Variants in PFKFB3 observed in about 807,000 individuals in gnomAD.
PFKFB3 encodes 6-phosphofructo-2-kinase/fructose-2,6-biphosphatase 3.
A neutral mutation model predicts 68.0 loss-of-function variants in PFKFB3; 33 were observed. The ratio of observed to expected loss-of-function variants is 0.49; its 90% confidence interval spans 0.37 to 0.65. The LOEUF is 0.65. Among genes scored for constraint, PFKFB3 ranks in the 30% least tolerant of loss-of-function variants. The probability of loss-of-function intolerance (pLI) is 0.00; values close to 1 mark genes in which losing one functional copy is unlikely to be tolerated. For synonymous variants in PFKFB3, 315 were observed against 288.2 expected, an observed-to-expected ratio of 1.09 and a Z score of -0.94; for missense variants, 586 against 712.2, an observed-to-expected ratio of 0.82 and a Z score of 2.02.
the PFKFB3 span, among the ~76,000 whole-genome samples, chr10:6,288,459 T>C: frequency 6.6e-6 from 1 of 150,418 alleles, no homozygotes; most frequent in African/African-American, 2.4e-5. Flanking sequence ...CGGTGTTTGG[T>C]TTTTTGTCCT....
chr10:6,221,276 G>A (rs1844938843), intron 8 of PFKFB3, 105 bp from the exon 9 acceptor site: 3 of 1,397,260 alleles, frequency 2.1e-6, no homozygotes, highest in Non-Finnish European at 2.9e-6. Context: ...CCCCCACGGT[G>A]TAACCAGGTA....
intron 14 of PFKFB3, chr10:6,231,242 C>T (rs1348466182): frequency 9.5e-6 from 14 of 1,474,018 alleles, no homozygotes; most frequent in Non-Finnish European, 1.3e-5. Context: ...GTTTCTTCCT[C>T]TCCCCCACTC....
chr10:6,168,931 G>A (rs1038650930), intron 1 of PFKFB3, among the ~76,000 whole-genome samples: 3 of 152,086 alleles, frequency 2.0e-5, no homozygotes, highest in Non-Finnish European at 4.4e-5. Context: ...TCTGCCCCCC[G>A]AAAAGTTATC....
chr10:6,319,170 A>G, the PFKFB3 span, among the ~76,000 whole-genome samples: 4 of 152,218 alleles, frequency 2.6e-5, no homozygotes, highest in Admixed American at 2.0e-4. Context: ...GTATCCACCC[A>G]AAAGAAAAGG....
intron 1 of PFKFB3, among the ~76,000 whole-genome samples, chr10:6,161,015 A>C (rs1841952182): frequency 6.6e-6 from 1 of 150,852 alleles, no homozygotes; most frequent in South Asian, 2.1e-4. Flanking sequence ...GGCTCACTGC[A>C]ACCTCCGCTT....
At chr10:6,282,548 C>T in the PFKFB3 span, among the ~76,000 whole-genome samples, 1 of 152,100 alleles carries the variant, frequency 6.6e-6, no homozygotes, top group African/African-American at 2.4e-5. Flanking sequence ...TTAGCCCTAC[C>T]ATCCAATGGG....
chr10:6,165,883 C>G (rs1485695829), intron 1 of PFKFB3, among the ~76,000 whole-genome samples: 1 of 151,772 alleles, frequency 6.6e-6, no homozygotes, highest in African/African-American at 2.4e-5. Context: ...GGTGCTATCT[C>G]CGCTCACTGC....
intron 1 of PFKFB3, among the ~76,000 whole-genome samples, chr10:6,156,147 G>GTA (rs1254351820): frequency 6.6e-6 from 1 of 151,734 alleles, no homozygotes; most frequent in Non-Finnish European, 1.5e-5. Context: ...GTGTGTGTGT[G>GTA]TGTGTGTGTG....
At chr10:6,147,132 G>A (rs1411617595) in intron 1 of PFKFB3, among the ~76,000 whole-genome samples, 2 of 152,208 alleles carry the variant, frequency 1.3e-5, no homozygotes, top group Non-Finnish European at 2.9e-5. Flanking sequence ...GTGCTGAGCC[G>A]TGGTCTGAAG....
Position 6,231,422 on chromosome 10 carries a change from G to C in PFKFB3, c.1516-1473G>C. On this transcript the variant is annotated intron_variant, in intron 14 of 14. Transcript: ENST00000379775. Reference sequence around the variant, plus strand: ...CGGGGCTCATCTGTCTCCATGCCGAGGTTGTTAAGTGCAACACCATTGTCG... The same window carrying C: ...CGGGGCTCATCTGTCTCCATGCCGACGTTGTTAAGTGCAACACCATTGTCG... 3.2e-6 allele frequency: 5 copies of C among 1,562,944 alleles called. No homozygotes were observed. The South Asian group carries it at 5.8e-5, about 18-fold the overall frequency.
Position 6,220,308 on chromosome 10 carries a change from G to A in PFKFB3, c.624-350G>A, listed in dbSNP as rs984577749. On this transcript the variant is annotated intron_variant, in intron 7 of 14. Transcript: ENST00000379775. The surrounding 1 kb of genome is among the most constrained non-coding windows in gnomAD (Gnocchi z 4.1). ...AGTAGAGATGAGGTCTTGCTATGTT[G>A]CCCAGGCTGGTCTTGAACTTCTAGA... 1.3e-5 allele frequency among the ~76,000 whole-genome samples: 2 copies of A among 151,894 alleles called. No individual in the cohort carries two copies. Among genetic ancestry groups the A allele is most frequent in the Non-Finnish European group, 2.9e-5 (2 of 67,984 alleles).
At chr10:6,259,662 A>G in the PFKFB3 span, among the ~76,000 whole-genome samples, 4 of 150,320 alleles carry the variant, frequency 2.7e-5, no homozygotes, top group South Asian at 8.3e-4. Flanking sequence ...TTCCATCCAT[A>G]TTTCTAGTAA....
chr10:6,277,336 C>T, the PFKFB3 span, among the ~76,000 whole-genome samples: 2 of 151,804 alleles, frequency 1.3e-5, no homozygotes, highest in African/African-American at 4.8e-5. Context: ...TGGGTTCCAG[C>T]GATTCTCCTG....
chr10:6,181,151 A>G lies in PFKFB3; in HGVS notation c.17-32472A>G, dbSNP rs78119306. On this transcript the variant is annotated intron_variant, in intron 1 of 14. Coordinates refer to the PFKFB3 transcript ENST00000379789. ...CACCTCAGCCTCCCAAGCAGCCAGT[A>G]CTGTAGGTGTGTGCCATCACACCTG... Among the ~76,000 whole-genome samples the G allele has an allele frequency of 1.0e-3, 152 of 152,276 alleles. 2 individuals carry two copies. The highest frequency in any genetic ancestry group is 3.4e-3 in the African/African-American group (141 of 41,550).
Position 6,154,883 on chromosome 10 carries a change from C to T in PFKFB3, c.16+9870C>T, listed in dbSNP as rs1841718074. Among the ~76,000 whole-genome samples, 1 of 152,204 alleles carries T rather than the reference C, an allele frequency of 6.6e-6. No individual in the cohort carries two copies. The highest frequency in any genetic ancestry group is 2.4e-5 in the African/African-American group (1 of 41,458). ...AGTGAGCTGCGGGGAGCCCGCACTG[C>T]CACAGCAGCTGCACCTCCTCTAGGC... On this transcript the variant is annotated intron_variant, in intron 1 of 14. Transcript: ENST00000379789. The surrounding 1 kb of genome is among the most constrained non-coding windows in gnomAD (Gnocchi z 4.6).
intron 1 of PFKFB3, among the ~76,000 whole-genome samples, chr10:6,194,073 T>C (rs1843103245): frequency 6.6e-6 from 1 of 152,190 alleles, no homozygotes; most frequent in Non-Finnish European, 1.5e-5. Context: ...CATTGGTGTC[T>C]GCCATTTGGG....
At chr10:6,284,578 T>A in the PFKFB3 span, among the ~76,000 whole-genome samples, 6,352 of 152,300 alleles carry the variant, frequency 0.042, 455 homozygotes, top group African/African-American at 0.14. Context: ...ATTTTTTATT[T>A]TGGCATAATA....
At chr10:6,304,371 C>A in the PFKFB3 span, among the ~76,000 whole-genome samples, 4 of 151,790 alleles carry the variant, frequency 2.6e-5, no homozygotes, top group Non-Finnish European at 5.9e-5. Context: ...CAGCTCAGCA[C>A]ACCCTAAGAA....
At chr10:6,188,413 C>CT (rs1377509842) in intron 1 of PFKFB3, among the ~76,000 whole-genome samples, 2 of 151,178 alleles carry the variant, frequency 1.3e-5, no homozygotes, top group Non-Finnish European at 2.9e-5. Context: ...TTTGCTGCCT[C>CT]TCATGGCCTT....
Sources: allele counts gnomAD v4.1 joint callset (sites outside exome capture counted in the v4.1 genomes callset), GRCh38; gene constraint gnomAD v4.1.1; non-coding constraint Gnocchi (gnomAD v3.1); transcripts MANE v1.5; gene names NCBI Gene and HGNC (gene_info 2026-07-23, HGNC 2026-07-21).